MIPEP: variants seen among roughly 807,000 people sequenced by gnomAD.
MIPEP encodes mitochondrial intermediate peptidase.
In MIPEP, 79 loss-of-function variants were observed where a neutral mutation model predicts 90.3. The observed-to-expected ratio is 0.87, with a 90% CI of 0.73 to 1.05. The LOEUF (loss-of-function observed/expected upper bound fraction) is 1.05. Among genes scored for constraint, MIPEP ranks in the 50% least tolerant of loss-of-function variants. The pLI is 0.00. For synonymous variants in MIPEP, 334 were observed against 315.8 expected (o/e 1.06, Z -0.61); for missense variants, 940 against 905.6 (o/e 1.04, Z -0.49).
intron 16 of MIPEP, chr13:23,760,573 G>A (rs746234389): frequency 3.7e-6 from 2 of 542,124 alleles, no homozygotes; most frequent in East Asian, 5.3e-5. Flanking sequence ...GCCAGGGTGT[G>A]GGCACAGAGG....
chr13:23,741,814 G>GA (rs900074102), intron 18 of MIPEP, among the ~76,000 whole-genome samples: 1 of 139,478 alleles, frequency 7.2e-6, no homozygotes, highest in Non-Finnish European at 1.6e-5. Context: ...ACCGAACCTA[G>GA]AAAAAAAATT....
chr13:23,744,141 C>T (rs1439274535), intron 18 of MIPEP, among the ~76,000 whole-genome samples: 5 of 152,190 alleles, frequency 3.3e-5, no homozygotes, highest in Admixed American at 6.5e-5. Flanking sequence ...GTACGCTGTG[C>T]GTTCATGCCT....
chr13:23,751,321 T>C (rs962180388), intron 18 of MIPEP, among the ~76,000 whole-genome samples: 9 of 152,256 alleles, frequency 5.9e-5, no homozygotes, highest in African/African-American at 2.2e-4. Flanking sequence ...AAACGTAAGG[T>C]ATTATATTTT....
intron 16 of MIPEP, among the ~76,000 whole-genome samples, chr13:23,799,461 G>A (rs1481123119): frequency 6.6e-6 from 1 of 152,050 alleles, no homozygotes; most frequent in African/African-American, 2.4e-5. Context: ...CAAGTAGCTG[G>A]GGCTACATGC....
chr13:23,871,417 G>A (rs1211457022), intron 5 of MIPEP, among the ~76,000 whole-genome samples: 1 of 152,182 alleles, frequency 6.6e-6, no homozygotes, highest in Non-Finnish European at 1.5e-5. Flanking sequence ...CTCTGCAGAT[G>A]AATTTTCAGT....
intron 16 of MIPEP, among the ~76,000 whole-genome samples, chr13:23,779,937 G>C (rs1168740539): frequency 6.6e-6 from 1 of 152,240 alleles, no homozygotes; most frequent in Non-Finnish European, 1.5e-5. Flanking sequence ...CTGAAGCTTT[G>C]AGTAGGTAAA....
At chr13:23,745,454 CT>C (rs1382359539) in intron 18 of MIPEP, among the ~76,000 whole-genome samples, 1 of 152,178 alleles carries the variant, frequency 6.6e-6, no homozygotes, top group Non-Finnish European at 1.5e-5. Context: ...AAAGAGTTGG[CT>C]AGCAAATGTC....
chr13:23,824,206 C>G (rs529564233), intron 14 of MIPEP, among the ~76,000 whole-genome samples: 90 of 152,282 alleles, frequency 5.9e-4, no homozygotes, highest in African/African-American at 2.1e-3. Context: ...CATAAACTTG[C>G]TAAGTATTCT....
chr13:23,887,585 C>CA (rs1871556031), intron 1 of MIPEP, among the ~76,000 whole-genome samples: 2 of 152,216 alleles, frequency 1.3e-5, no homozygotes, highest in South Asian at 4.1e-4. Flanking sequence ...GGTGAGCTTC[C>CA]AGACCCAAGA....
intron 10 of MIPEP, among the ~76,000 whole-genome samples, chr13:23,850,314 T>A (rs572347150): frequency 0.01 from 1,565 of 152,330 alleles, 10 homozygotes; most frequent in Non-Finnish European, 0.019. Context: ...CTGTTTTATT[T>A]GGTTACATAG....
rs1437428739 is a variant in MIPEP at position 23,746,983 on chromosome 13, A to T, written c.2044+9562T>A. Among the ~76,000 whole-genome samples the T allele has an allele frequency of 2.6e-5, 4 of 152,332 alleles. No homozygotes were observed. The East Asian group carries it at 7.7e-4, about 29-fold the overall frequency. ...GTCAAAACAAGCACTACCCACCAAA[A>T]GTAACGGTGACAAAACAGAAGTTGA... On this transcript the variant is annotated intron_variant, in intron 18 of 18. Transcript: ENST00000382172.
At chr13:23,765,324 C>T (rs1952582396) in intron 16 of MIPEP, among the ~76,000 whole-genome samples, 1 of 152,140 alleles carries the variant, frequency 6.6e-6, no homozygotes, top group South Asian at 2.1e-4. Context: ...AACTTCGCTC[C>T]AAAAATAGGC....
At chr13:23,801,842 T>C (rs902222185) in intron 16 of MIPEP, among the ~76,000 whole-genome samples, 1 of 152,238 alleles carries the variant, frequency 6.6e-6, no homozygotes, top group African/African-American at 2.4e-5. Context: ...ACTTGGGTTC[T>C]TCCCGGAATC....
In MIPEP at chr13:23,821,389, AT is replaced by A. The variant is rs889523821; in HGVS notation, c.1654-11466del. On this transcript the variant is annotated intron_variant, in intron 14 of 18. Transcript: ENST00000382172. ...GTTTCTTTCATAAAAATATCTGCAG[AT>A]TTTTTTTTGTCACTATAGAATCCCA... Among the ~76,000 whole-genome samples the A allele has an allele frequency of 7.8e-4, 119 of 151,758 alleles. 3 individuals are homozygous for A. The East Asian group carries it at 0.022, about 28-fold the overall frequency.
Position 23,805,960 on chromosome 13 carries a change from ACATATGGTAGGC to A in MIPEP, c.1826_1837del (p.Gly609_Tyr612del). On this transcript the variant is annotated inframe_deletion, in exon 16 of 19. Transcript: ENST00000382172. ...AAATGCTGGACTCACAGTATTTGGAACATATGGTAGGCCATAGAATTTCTCTTGTGTTTCCTT... is the reference window on the plus strand; with the variant it reads ...AAATGCTGGACTCACAGTATTTGGAACATAGAATTTCTCTTGTGTTTCCTT... 3.7e-6 allele frequency: 6 copies of A among 1,613,992 alleles called. No homozygotes were observed. The highest frequency in any genetic ancestry group is 5.1e-6 in the Non-Finnish European group (6 of 1,179,916).
intron 16 of MIPEP, among the ~76,000 whole-genome samples, chr13:23,762,725 G>C (rs1199295430): frequency 1.3e-5 from 2 of 152,186 alleles, no homozygotes; most frequent in Non-Finnish European, 1.5e-5. Context: ...GCACTTGCAC[G>C]GCTATTGTTT....
chr13:23,823,066 T>C (rs7332811), intron 14 of MIPEP, among the ~76,000 whole-genome samples: 90,173 of 151,940 alleles, frequency 0.59, 28,801 homozygotes, highest in East Asian at 0.78. Context: ...TGATTGTGTG[T>C]TGAAGTTTTA....
chr13:23,807,334 T>C (rs1953122207), intron 15 of MIPEP, among the ~76,000 whole-genome samples: 1 of 152,242 alleles, frequency 6.6e-6, no homozygotes, highest in Admixed American at 6.5e-5. Context: ...AATGCTTTAT[T>C]TTAAAGGACA....
At chr13:23,828,097 C>T (rs1171509048) in intron 14 of MIPEP, among the ~76,000 whole-genome samples, 1 of 152,140 alleles carries the variant, frequency 6.6e-6, no homozygotes, top group Non-Finnish European at 1.5e-5. Flanking sequence ...AATCTGACAG[C>T]TCAAAAGATG....
Sources: allele counts gnomAD v4.1 joint callset (sites outside exome capture counted in the v4.1 genomes callset), GRCh38; gene constraint gnomAD v4.1.1; transcripts MANE v1.5; gene names NCBI Gene and HGNC (gene_info 2026-07-23, HGNC 2026-07-21).